The following SYNPO2 variants were observed in gnomAD, a reference collection of about 807,000 sequenced individuals.
The protein encoded by SYNPO2 is synaptopodin-2.
A neutral mutation model predicts 85.0 loss-of-function variants in SYNPO2; 56 were observed. The observed-to-expected ratio is 0.66, with a 90% confidence interval of 0.53 to 0.82. SYNPO2 has a LOEUF of 0.82. Among genes scored for constraint, SYNPO2 ranks in the 40% least tolerant of loss-of-function variants. The pLI, the probability that SYNPO2 is intolerant of heterozygous loss-of-function variation, is 0.00. For missense variants in SYNPO2, 1,575 were observed against 1,534.2 expected (o/e 1.03, Z -0.44); for synonymous variants, 602 against 591.1 (o/e 1.02, Z -0.27).
At chr4:119,039,206 T>C (rs1738630808) in intron 4 of SYNPO2, among the ~76,000 whole-genome samples, 1 of 152,068 alleles carries the variant, frequency 6.6e-6, no homozygotes, top group South Asian at 2.1e-4. Context: ...TCATCCCACT[T>C]TAAGATGAGA....
chr4:119,018,988 A>G (rs1269923283), intron 1 of SYNPO2, among the ~76,000 whole-genome samples: 4 of 152,162 alleles, frequency 2.6e-5, no homozygotes, highest in African/African-American at 4.8e-5. Flanking sequence ...GCATGTTCTC[A>G]CTTATAAGTG....
At chr4:118,985,535 G>A (rs1485962467) in intron 1 of SYNPO2, among the ~76,000 whole-genome samples, 1 of 152,202 alleles carries the variant, frequency 6.6e-6, no homozygotes, top group Admixed American at 6.5e-5. Context: ...TAGACAGGAG[G>A]ATCCTGTGTC....
chr4:118,893,577 G>A (rs913214231), intron 1 of SYNPO2, among the ~76,000 whole-genome samples: 4 of 152,282 alleles, frequency 2.6e-5, no homozygotes, highest in Non-Finnish European at 2.9e-5. Flanking sequence ...ACAGGTGCCC[G>A]AGAGGATAAA....
intron 1 of SYNPO2, among the ~76,000 whole-genome samples, chr4:118,974,122 T>C (rs1735640099): frequency 6.6e-6 from 1 of 152,216 alleles, no homozygotes; most frequent in Non-Finnish European, 1.5e-5. Flanking sequence ...ATAATTATGT[T>C]TGAGCTAAGA....
chr4:118,985,786 A>G (rs913465034), intron 1 of SYNPO2, among the ~76,000 whole-genome samples: 24 of 152,296 alleles, frequency 1.6e-4, no homozygotes, highest in African/African-American at 5.8e-4. Flanking sequence ...CGAGGATCTA[A>G]TTCTGTACCA....
intron 4 of SYNPO2, chr4:119,035,979 C>T: frequency 1.0e-6 from 1 of 985,344 alleles, no homozygotes; most frequent in South Asian, 4.7e-5. Flanking sequence ...ACAGTAAACC[C>T]TCCTAAGAGC....
chr4:118,950,544 T>G (rs577862602), intron 1 of SYNPO2, among the ~76,000 whole-genome samples: 2 of 152,332 alleles, frequency 1.3e-5, no homozygotes, highest in South Asian at 4.1e-4. Context: ...TTCTGGGTTA[T>G]AAGAATGGTC....
chr4:119,026,998 G>A lies in SYNPO2; in HGVS notation c.629G>A (p.Gly210Asp), dbSNP rs772298396. The A allele has an allele frequency of 1.2e-6, 2 of 1,614,140 alleles. No homozygotes were observed. Among genetic ancestry groups the A allele is most frequent in the Admixed American group, 3.3e-5 (2 of 60,020 alleles). The change falls in exon 3 of 5, where the codon GGC (glycine) becomes GAC (aspartate). Residue 210 changes from glycine to aspartate, a missense_variant. Gly to Asp is a moderately conservative substitution (Grantham distance 94). Transcript: ENST00000307142. ...QLSLSQERHKGASGPLVALPG... is the reference protein window; with the variant it reads ...QLSLSQERHKDASGPLVALPG... ...TCCCTTTCACAGGAGAGACATAAGGGCGCTAGTGGCCCTTTAGTGGCTCTC... is the reference window on the plus strand; with the variant it reads ...TCCCTTTCACAGGAGAGACATAAGGACGCTAGTGGCCCTTTAGTGGCTCTC...
At chr4:118,945,755 GT>G (rs144301877) in intron 1 of SYNPO2, among the ~76,000 whole-genome samples, 15,728 of 150,526 alleles carry the variant, frequency 0.1, 951 homozygotes, top group South Asian at 0.17. Flanking sequence ...TTTATTTTTT[GT>G]TTTTTTTTGA....
At chr4:119,018,284 T>C (rs772380994) in intron 1 of SYNPO2, among the ~76,000 whole-genome samples, 3 of 152,190 alleles carry the variant, frequency 2.0e-5, no homozygotes, top group Non-Finnish European at 4.4e-5. Flanking sequence ...GGATTTCATT[T>C]TTTATGACTG....
chr4:118,887,735 G>A (rs947576077), upstream of SYNPO2, among the ~76,000 whole-genome samples: 2 of 152,142 alleles, frequency 1.3e-5, no homozygotes, highest in Non-Finnish European at 2.9e-5. Flanking sequence ...TTAGTCGATG[G>A]TAAAATTGGT....
At chr4:118,927,768 TA>T (rs1259694953) in intron 1 of SYNPO2, among the ~76,000 whole-genome samples, 1,750 of 49,992 alleles carry the variant, frequency 0.035, 15 homozygotes, top group African/African-American at 0.057. Context: ...GATATATAGA[TA>T]GATAGATGAT....
rs2279505 is a variant in SYNPO2 at position 119,033,515 on chromosome 4, T to C, written c.3252+1488T>C. The C allele has an allele frequency of 3.0e-4, 297 of 985,424 alleles. 2 individuals carry two copies. In the East Asian group the frequency reaches 0.026, roughly 85 times the overall value. The allele number at this position is 985,424 out of a possible 1,614,324, so 61.0% of individuals were successfully genotyped here. A position where few individuals can be genotyped will look rare whatever the true frequency, so the allele number is the denominator to read the frequency against. On this transcript the variant is annotated intron_variant, in intron 4 of 4. Transcript: ENST00000307142. ...ATGGAAAATATTCGACATGAATTAA[T>C]GTAGAGAACTATAAAGCATTTATGA...
At chr4:118,964,500 T>TAA (rs34230396) in intron 1 of SYNPO2, among the ~76,000 whole-genome samples, 1 of 145,372 alleles carries the variant, frequency 6.9e-6, no homozygotes, top group African/African-American at 2.5e-5. Flanking sequence ...AAAAGTAAAT[T>TAA]AAAAAAAAAA....
chr4:118,872,692 T>G (rs75806453), intron 1 of SYNPO2, among the ~76,000 whole-genome samples: 1 of 152,072 alleles, frequency 6.6e-6, no homozygotes, highest in African/African-American at 2.4e-5. Context: ...GAACTATCTT[T>G]CCTCATTGCA....
intron 2 of SYNPO2, 98 bp downstream of exon 2, chr4:119,023,679 TA>T: frequency 7.5e-7 from 1 of 1,338,092 alleles, no homozygotes; most frequent in Non-Finnish European, 9.9e-7. Context: ...ATGGAGAAAT[TA>T]GGGGTGCTTT....
chr4:118,879,502 T>G (rs62326777), intron 1 of SYNPO2, among the ~76,000 whole-genome samples: 2 of 152,134 alleles, frequency 1.3e-5, no homozygotes, highest in South Asian at 2.1e-4. Context: ...TCTTTCTCTA[T>G]GTGAGGACAC....
chr4:119,032,616 T>C, intron 4 of SYNPO2: 8 of 990,662 alleles, frequency 8.1e-6, no homozygotes, highest in Non-Finnish European at 9.6e-6. Flanking sequence ...ATGTATATAG[T>C]TTAGTAAGAA....
intron 1 of SYNPO2, among the ~76,000 whole-genome samples, chr4:118,881,805 C>G (rs543079931): frequency 1.3e-5 from 2 of 152,304 alleles, no homozygotes; most frequent in East Asian, 3.9e-4. Flanking sequence ...GGAATGCTAC[C>G]GAGCACCACC....
Sources: allele counts gnomAD v4.1 joint callset (sites outside exome capture counted in the v4.1 genomes callset), GRCh38; gene constraint gnomAD v4.1.1; transcripts MANE v1.5; gene names NCBI Gene and HGNC (gene_info 2026-07-23, HGNC 2026-07-21).